The following TMEM132D variants were observed in gnomAD, a reference collection of about 807,000 sequenced individuals.
TMEM132D encodes the protein transmembrane protein 132D.
A neutral mutation model predicts 62.3 loss-of-function variants in TMEM132D; 21 were observed. The ratio of observed to expected loss-of-function variants is 0.34; its 90% confidence interval spans 0.24 to 0.49. The LOEUF is 0.49. Ranked by LOEUF, TMEM132D falls within the 20% of genes least tolerant of loss-of-function variation. The pLI is 0.99. For missense variants in TMEM132D, 1,346 were observed against 1,402.8 expected, an observed-to-expected ratio of 0.96 and a Z score of 0.65; for synonymous variants, 621 against 575.6, an observed-to-expected ratio of 1.08 and a Z score of -1.13.
intron 4 of TMEM132D, among the ~76,000 whole-genome samples, chr12:129,278,426 G>A (rs981624482): frequency 1.3e-5 from 2 of 152,130 alleles, no homozygotes; most frequent in African/African-American, 2.4e-5. Flanking sequence ...GCAAGGAAGC[G>A]ACTGGTTCAG....
At chr12:129,775,880 G>T (rs1210868877) in intron 1 of TMEM132D, among the ~76,000 whole-genome samples, 1 of 152,024 alleles carries the variant, frequency 6.6e-6, no homozygotes, top group Admixed American at 6.6e-5. Context: ...TAACTGTAAA[G>T]GACTCTATCA....
chr12:129,759,044 C>T (rs1046268930), intron 1 of TMEM132D, among the ~76,000 whole-genome samples: 1 of 151,824 alleles, frequency 6.6e-6, no homozygotes, highest in African/African-American at 2.4e-5. Context: ...AGTGATTCTC[C>T]TACTTCAGTC....
intron 5 of TMEM132D, among the ~76,000 whole-genome samples, chr12:129,137,429 T>C (rs2135528676): frequency 6.6e-6 from 1 of 152,214 alleles, no homozygotes; most frequent in Admixed American, 6.5e-5. Flanking sequence ...AAACTGAGGG[T>C]CAGGGAGGCT....
intron 3 of TMEM132D, among the ~76,000 whole-genome samples, chr12:129,346,698 G>A (rs1277154429): frequency 6.6e-6 from 1 of 152,170 alleles, no homozygotes; most frequent in African/African-American, 2.4e-5. Context: ...AGTATTGGAA[G>A]TTCTGGCCAG....
intron 3 of TMEM132D, among the ~76,000 whole-genome samples, chr12:129,398,907 G>T (rs1436296944): frequency 6.6e-6 from 1 of 151,988 alleles, no homozygotes; most frequent in African/African-American, 2.4e-5. Context: ...GTTTTGTGCT[G>T]CTATAAGAGA....
chr12:129,480,998 C>T lies in TMEM132D; in HGVS notation c.1115+50061G>A, dbSNP rs575998011. On this transcript the variant is annotated intron_variant, in intron 3 of 8. Coordinates refer to ENST00000422113, the MANE Select transcript of TMEM132D (RefSeq NM_133448.3). ...GGCGGATGAACACTATGGGATACTA[C>T]GCAGCAGCTAGAAGCAACTAACCTG... is the stretch of plus-strand genomic sequence containing the variant. Among the ~76,000 whole-genome samples, 19 of 152,124 alleles carry T rather than the reference C, an allele frequency of 1.2e-4. No homozygotes were observed. In the East Asian group the frequency reaches 3.3e-3, roughly 26 times the overall value.
intron 4 of TMEM132D, among the ~76,000 whole-genome samples, chr12:129,282,275 A>G (rs921264030): frequency 6.6e-6 from 1 of 152,080 alleles, no homozygotes; most frequent in Admixed American, 6.6e-5. Flanking sequence ...ATGAGACCAG[A>G]GGGAGCTTAT....
intron 1 of TMEM132D, among the ~76,000 whole-genome samples, chr12:129,799,867 AGC>A (rs945871577): frequency 6.6e-6 from 1 of 152,142 alleles, no homozygotes; most frequent in Non-Finnish European, 1.5e-5. Flanking sequence ...ACAGCTCTGC[AGC>A]CTGGGGGCAC....
At chr12:129,389,474 A>G (rs1871237014) in intron 3 of TMEM132D, among the ~76,000 whole-genome samples, 1 of 152,158 alleles carries the variant, frequency 6.6e-6, no homozygotes, top group South Asian at 2.1e-4. Flanking sequence ...CACTGCCAAC[A>G]CCAACACTAA....
intron 1 of TMEM132D, among the ~76,000 whole-genome samples, chr12:129,890,940 T>C (rs768232703): frequency 1.2e-4 from 19 of 152,174 alleles, no homozygotes; most frequent in Non-Finnish European, 2.1e-4. Flanking sequence ...CATGCAGGCA[T>C]TAAGGCAGCA....
chr12:129,415,491 C>T (rs188325692), intron 3 of TMEM132D, among the ~76,000 whole-genome samples: 20 of 152,304 alleles, frequency 1.3e-4, no homozygotes, highest in Admixed American at 3.9e-4. Context: ...CACAAGTGAG[C>T]GGACATAGAT....
chr12:129,730,219 A>C (rs1328647667), intron 1 of TMEM132D, among the ~76,000 whole-genome samples: 1 of 152,160 alleles, frequency 6.6e-6, no homozygotes, highest in Non-Finnish European at 1.5e-5. Flanking sequence ...CCGAAAGTCT[A>C]ATCTGGACAA....
intron 5 of TMEM132D, among the ~76,000 whole-genome samples, chr12:129,095,305 G>A (rs982107955): frequency 6.6e-6 from 1 of 151,054 alleles, no homozygotes; most frequent in Non-Finnish European, 1.5e-5. Flanking sequence ...GTAAAAATGA[G>A]GTCACTAACA....
chr12:129,090,935 T>C (rs7313368), intron 5 of TMEM132D, among the ~76,000 whole-genome samples: 13,663 of 151,982 alleles, frequency 0.09, 1,295 homozygotes, highest in African/African-American at 0.21. Context: ...ACTCTTCTAA[T>C]AGAGAAATGT....
At chr12:129,537,934 G>C (rs1358477132) in intron 2 of TMEM132D, among the ~76,000 whole-genome samples, 1 of 34,810 alleles carries the variant, frequency 2.9e-5, no homozygotes, top group African/African-American at 1.4e-4. Context: ...CACTAACGTT[G>C]AAAACTCAAA....
At chr12:129,505,118 G>T (rs1361387121) in intron 3 of TMEM132D, among the ~76,000 whole-genome samples, 1 of 152,114 alleles carries the variant, frequency 6.6e-6, no homozygotes, top group Admixed American at 6.6e-5. Flanking sequence ...ATTGAGGCTT[G>T]TTTTGTGGCC....
chr12:129,750,768 G>A (rs35604986), intron 1 of TMEM132D, among the ~76,000 whole-genome samples: 38,379 of 152,024 alleles, frequency 0.25, 5,591 homozygotes, highest in East Asian at 0.37. Flanking sequence ...GCTGTGCTGC[G>A]CCATAGTAGG....
intron 5 of TMEM132D, among the ~76,000 whole-genome samples, chr12:129,146,172 G>A (rs908073462): frequency 5.9e-5 from 9 of 151,454 alleles, no homozygotes; most frequent in African/African-American, 2.2e-4. Context: ...TCATCGTACT[G>A]AACCTCTCCA....
rs534627292 is a variant in TMEM132D, at chr12:129,513,631, C to G, written c.1115+17428G>C. ...TCCCGAGTAGCTGGGACTACAGGCACCCACCACCACGCCCGGATAATTTTT... is the reference window on the plus strand; with the variant it reads ...TCCCGAGTAGCTGGGACTACAGGCAGCCACCACCACGCCCGGATAATTTTT... On this transcript the variant is annotated intron_variant, in intron 3 of 8. Transcript: ENST00000422113. 9.7e-4 allele frequency among the ~76,000 whole-genome samples: 146 copies of G among 149,838 alleles called. 1 individual carries two copies. The highest frequency in any genetic ancestry group is 3.4e-3 in the African/African-American group (139 of 40,700).
Sources: gnomAD v4.1 joint callset for allele counts (sites outside exome capture counted in the v4.1 genomes callset) on GRCh38, gnomAD v4.1.1 for gene constraint, MANE v1.5 for transcripts, NCBI Gene and HGNC (gene_info 2026-07-23, HGNC 2026-07-21) for gene names.